The following DPP3 variants were observed in gnomAD, a reference collection of about 807,000 sequenced individuals.
DPP3 encodes the protein dipeptidyl peptidase 3.
Under a neutral mutation model 89.8 loss-of-function variants are expected in DPP3, and 64 were observed. That is an observed-to-expected ratio of 0.71 (90% CI 0.58 to 0.88). DPP3 has a LOEUF of 0.88. Among genes scored for constraint, DPP3 ranks in the 40% least tolerant of loss-of-function variants. DPP3 has a pLI of 0.00. For synonymous variants in DPP3, 377 were observed against 404.3 expected, an observed-to-expected ratio of 0.93 and a Z score of 0.81; for missense variants, 835 against 972.5, an observed-to-expected ratio of 0.86 and a Z score of 1.88.
chr11:66,493,628 G>A lies in DPP3; in HGVS notation c.1384G>A (p.Val462Ile), dbSNP rs201554759. The change falls in exon 12 of 18, where the codon GTA becomes ATA. Residue 462 changes from valine (V) to isoleucine (I), a missense_variant. Physicochemically the swap from Val to Ile is conservative, Grantham distance 29. Transcript: ENST00000531863. ...LLGHGSGKLF[V>I]QDEKGAFNFD... ...GGGCCATGGCAGTGGCAAGCTCTTCGTACAGGTGAGAAGGCAGTGGCCAGC... is the reference window on the plus strand; with the variant it reads ...GGGCCATGGCAGTGGCAAGCTCTTCATACAGGTGAGAAGGCAGTGGCCAGC... The A allele has an allele frequency of 7.3e-5, 117 of 1,610,818 alleles. No homozygotes were observed. Among genetic ancestry groups the A allele is most frequent in the Middle Eastern group, 3.3e-4 (2 of 6,056 alleles).
At chr11:66,488,919 G>A (rs913511624) in intron 6 of DPP3, among the ~76,000 whole-genome samples, 8 of 152,184 alleles carry the variant, frequency 5.3e-5, no homozygotes, top group African/African-American at 1.9e-4. Flanking sequence ...AGGCTAGAGT[G>A]CAGTGGTGCG....
intron 17 of DPP3, among the ~76,000 whole-genome samples, chr11:66,507,186 G>A (rs931568848): frequency 3.9e-5 from 6 of 152,006 alleles, no homozygotes; most frequent in Non-Finnish European, 8.8e-5. Flanking sequence ...CATACAAGGG[G>A]GCCGGGCGCG....
chr11:66,504,830 C>T, intron 17 of DPP3, 56 bp downstream of exon 17: 3 of 1,515,438 alleles, frequency 2.0e-6, no homozygotes, highest in Non-Finnish European at 2.7e-6. Flanking sequence ...ACACAGGGCC[C>T]TCTGGGAAGC....
chr11:66,504,756 C>T lies in DPP3; in HGVS notation c.2023C>T (p.Pro675Ser). The change falls in exon 17 of 18, where the codon CCC (proline) becomes TCC (serine). Residue 675 changes from proline (P) to serine (S), a missense_variant. Coordinates refer to ENST00000531863, the MANE Select transcript of DPP3 (RefSeq NM_130443.4). The part of the protein sequence containing the change: ...RKESRKLIVQ[P>S]NTRLEGSDVQ... ...GGAATCTCGGAAGCTCATTGTTCAG[C>T]CCAACACTCGCCTTGAAGGTAATGA... 6.2e-7 allele frequency: 1 copy of T among 1,611,894 alleles called. No homozygotes were observed. Among genetic ancestry groups the T allele is most frequent in the Non-Finnish European group, 8.5e-7 (1 of 1,179,138 alleles).
chr11:66,491,816 T>G (rs1196165876), intron 9 of DPP3, 60 bp downstream of exon 9: 1 of 1,589,274 alleles, frequency 6.3e-7, no homozygotes, highest in Non-Finnish European at 8.6e-7. Flanking sequence ...AGTCCACGTT[T>G]CCAGTGTCCC....
At chr11:66,484,998 G>T (rs897079004) in intron 2 of DPP3, among the ~76,000 whole-genome samples, 175 bp from the exon 3 acceptor site, 1 of 152,204 alleles carries the variant, frequency 6.6e-6, no homozygotes, top group African/African-American at 2.4e-5. Flanking sequence ...GTGAAAATGG[G>T]TCTGTGGAAG....
chr11:66,495,450 G>T lies in DPP3; in HGVS notation c.1538G>T (p.Ser513Ile). ...AGCTACGAAGAGTGCCGGGCTGAGA[G>T]CGTGGGTCTCTACCTCTGTCTCCAC... is the stretch of plus-strand genomic sequence containing the variant. ...ASSYEECRAE[S>I]VGLYLCLHPQ... The change falls in exon 14 of 18, where the codon AGC becomes ATC. Residue 513 changes from serine to isoleucine, a missense_variant. By Grantham distance (142) the Ser-to-Ile change is moderately radical. Transcript: ENST00000531863. The T allele has an allele frequency of 6.2e-7, 1 of 1,612,462 alleles. No homozygotes were observed. Among genetic ancestry groups the T allele is most frequent in the Non-Finnish European group, 8.5e-7 (1 of 1,179,268 alleles).
In DPP3 at chr11:66,493,563, G is replaced by C. The variant is rs753258321; in HGVS notation, c.1319G>C (p.Gly440Ala). The C allele has an allele frequency of 1.1e-5, 18 of 1,613,136 alleles. No individual in the cohort carries two copies. Among genetic ancestry groups the C allele is most frequent in the Non-Finnish European group, 1.4e-5 (17 of 1,179,928 alleles). Residue 440 changes from glycine to alanine, a missense_variant, in exon 12 of 18, where the codon GGG (glycine) becomes GCG (alanine). Gly to Ala is a moderately conservative substitution (Grantham distance 60, BLOSUM62 0). Coordinates refer to ENST00000531863, the MANE Select transcript of DPP3 (RefSeq NM_130443.4). ...DDKDLYILWK[G>A]PSFDVQVGLH... ...CAGGACCTGTACATCCTCTGGAAGG[G>C]GCCCTCCTTCGATGTGCAGGTGGGC...
intron 2 of DPP3, among the ~76,000 whole-genome samples, chr11:66,484,813 A>G (rs898989495): frequency 6.6e-6 from 1 of 152,170 alleles, no homozygotes; most frequent in Non-Finnish European, 1.5e-5. Context: ...CTGACAGGTC[A>G]GAGGCTGAGG....
Position 66,509,596 on chromosome 11 carries a change from A to C in DPP3, c.*345A>C. 2 of 659,724 alleles carry C rather than the reference A, an allele frequency of 3.0e-6. No individual in the cohort carries two copies. Among genetic ancestry groups the C allele is most frequent in the South Asian group, 1.6e-5 (1 of 64,478 alleles). 40.9% of individuals were successfully genotyped at this position (659,724 alleles called of 1,614,324 possible). On this transcript the variant is annotated 3_prime_UTR_variant, in exon 18 of 18. Transcript: ENST00000531863. ...CTAGGGTTCAAAACGTTCTCACCAA[A>C]TCCAATGCTCCTCACATATTAATTT...
In DPP3 at chr11:66,491,538, T is replaced by C. The variant is rs200093175; in HGVS notation, c.843T>C (p.Tyr281=). The change falls in exon 8 of 18, where the codon TAT becomes TAC. Residue 281 remains tyrosine, a synonymous_variant. Coordinates refer to ENST00000531863, the MANE Select transcript of DPP3 (RefSeq NM_130443.4). Reference sequence around the variant, plus strand: ...ACCAGGGGCAGATGCTGGCCCAGTATATAGAGAGCTTCACCCAGGGCTCCA... The same window carrying C: ...ACCAGGGGCAGATGCTGGCCCAGTACATAGAGAGCTTCACCCAGGGCTCCA... ...NSHQGQMLAQ[Y]IESFTQGSIE... 5 of 1,613,346 alleles carry C rather than the reference T, an allele frequency of 3.1e-6. No individual in the cohort carries two copies. In the Admixed American group the frequency reaches 8.3e-5, roughly 27 times the overall value.
chr11:66,504,560 G>A, intron 16 of DPP3, 52 bp from the exon 17 acceptor site: 2 of 1,553,912 alleles, frequency 1.3e-6, no homozygotes, highest in African/African-American at 1.4e-5. Context: ...GCAGAGCCCT[G>A]TGGACACCGG....
intron 3 of DPP3, 61 bp downstream of exon 3, chr11:66,485,323 A>G: frequency 6.6e-7 from 1 of 1,524,414 alleles, no homozygotes; most frequent in South Asian, 1.2e-5. Flanking sequence ...GAGATGGAAA[A>G]TGCAGTAGAA....
At chr11:66,498,567 C>A (rs1379412353) in intron 16 of DPP3, among the ~76,000 whole-genome samples, 1 of 152,124 alleles carries the variant, frequency 6.6e-6, no homozygotes, top group Non-Finnish European at 1.5e-5. Flanking sequence ...TTTGGACAAA[C>A]AAAAACAGTT....
Position 66,487,930 on chromosome 11 carries a change from A to G in DPP3, c.590A>G (p.Asn197Ser). The G allele has an allele frequency of 6.2e-7, 1 of 1,613,990 alleles. No individual in the cohort carries two copies. The highest frequency in any genetic ancestry group is 8.5e-7 in the Non-Finnish European group (1 of 1,179,962). ...FLDSQNLSAY[N>S]TRLFKEVDGE... Reference sequence around the variant, plus strand: ...CTCTTCTAGAACCTCAGTGCCTACAACACCCGGCTCTTCAAAGAGGTCGAT... The same window carrying G: ...CTCTTCTAGAACCTCAGTGCCTACAGCACCCGGCTCTTCAAAGAGGTCGAT... Residue 197 changes from asparagine to serine, a missense_variant, in exon 6 of 18, where the codon AAC becomes AGC. Asn to Ser is a conservative substitution (Grantham distance 46). Coordinates refer to ENST00000531863, the MANE Select transcript of DPP3 (RefSeq NM_130443.4).
At chr11:66,498,281 G>A (rs1354118784) in intron 16 of DPP3, among the ~76,000 whole-genome samples, 1 of 152,216 alleles carries the variant, frequency 6.6e-6, no homozygotes, top group Non-Finnish European at 1.5e-5. Flanking sequence ...TTTTAGTGGA[G>A]ACAGGGTTTC....
chr11:66,504,743 G>T lies in DPP3; in HGVS notation c.2010G>T (p.Lys670Asn), dbSNP rs1380370920. ...DTVLLRKESRKLIVQPNTRLE... is the reference protein window; with the variant it reads ...DTVLLRKESRNLIVQPNTRLE... ...TGCTGCTGCGTAAGGAATCTCGGAA[G>T]CTCATTGTTCAGCCCAACACTCGCC... The change falls in exon 17 of 18, where the codon AAG becomes AAT. Residue 670 changes from lysine to asparagine, a missense_variant. Coordinates refer to ENST00000531863, the MANE Select transcript of DPP3 (RefSeq NM_130443.4). The T allele has an allele frequency of 1.2e-6, 2 of 1,612,624 alleles. No homozygotes were observed. Among genetic ancestry groups the T allele is most frequent in the African/African-American group, 2.7e-5 (2 of 74,838 alleles).
intron 16 of DPP3, among the ~76,000 whole-genome samples, chr11:66,502,374 C>A: frequency 6.6e-6 from 1 of 150,850 alleles, no homozygotes. Flanking sequence ...GTGGCAAGTT[C>A]TTGGCTTATT....
At chr11:66,485,994 G>A (rs1430342737) in intron 3 of DPP3, among the ~76,000 whole-genome samples, 3 of 151,422 alleles carry the variant, frequency 2.0e-5, no homozygotes, top group Admixed American at 2.0e-4. Flanking sequence ...CAGGCTGGAG[G>A]GTAGTGGCAC....
Sources: gnomAD v4.1 joint callset for allele counts (sites outside exome capture counted in the v4.1 genomes callset) on GRCh38, gnomAD v4.1.1 for gene constraint, MANE v1.5 for transcripts, NCBI Gene and HGNC (gene_info 2026-07-23, HGNC 2026-07-21) for gene names.